Variants in PDE7B observed in about 807,000 individuals in gnomAD.
The protein encoded by PDE7B is 3',5'-cyclic-AMP phosphodiesterase 7B.
A neutral mutation model predicts 56.2 loss-of-function variants in PDE7B; 29 were observed. That is an observed-to-expected ratio of 0.52 (90% CI 0.38 to 0.70). The LOEUF is 0.70. Among genes scored for constraint, PDE7B ranks in the 30% least tolerant of loss-of-function variants. The pLI is 0.00. For synonymous variants in PDE7B, 197 were observed against 196.9 expected (o/e 1.00, Z 0.00); for missense variants, 490 against 565.0 (o/e 0.87, Z 1.35).
chr6:136,153,342 T>C (rs1472456257), intron 6 of PDE7B, among the ~76,000 whole-genome samples: 1 of 152,200 alleles, frequency 6.6e-6, no homozygotes, highest in Non-Finnish European at 1.5e-5. Flanking sequence ...ATCAGGACAG[T>C]CTATACACAC....
intron 1 of PDE7B, among the ~76,000 whole-genome samples, chr6:135,908,143 C>T (rs1166374047): frequency 6.6e-6 from 1 of 150,934 alleles, no homozygotes; most frequent in Non-Finnish European, 1.5e-5. Context: ...GGCTGAACTG[C>T]AGTGGTGTGA....
chr6:135,880,094 C>A (rs575132190), intron 1 of PDE7B, among the ~76,000 whole-genome samples: 1 of 152,144 alleles, frequency 6.6e-6, no homozygotes, highest in Non-Finnish European at 1.5e-5. Flanking sequence ...TGTTTTCATA[C>A]GCATCGTAAA....
rs201169004 is a variant in PDE7B, at chr6:136,171,700, ATATG to A, written c.712-2093_712-2090del. On this transcript the variant is annotated intron_variant, in intron 8 of 12. Transcript: ENST00000308191. The stretch of plus-strand genomic sequence containing the variant: ...TGTGCACAATGTGCAGGTTAGTTAC[ATATG>A]TATACATGTGCCATGCTGGTGTGCT... Among the ~76,000 whole-genome samples the A allele has an allele frequency of 7.5e-3, 1,141 of 151,724 alleles. 18 individuals are homozygous for A. Among genetic ancestry groups the A allele is most frequent in the East Asian group, 0.025 (126 of 5,116 alleles).
chr6:136,093,310 T>C (rs1253092433), intron 2 of PDE7B, among the ~76,000 whole-genome samples: 1 of 152,216 alleles, frequency 6.6e-6, no homozygotes, highest in Non-Finnish European at 1.5e-5. Context: ...AGGGACTATT[T>C]CGCCCATGGG....
chr6:136,003,375 G>C (rs947886640), intron 2 of PDE7B, among the ~76,000 whole-genome samples: 2 of 151,976 alleles, frequency 1.3e-5, no homozygotes, highest in Non-Finnish European at 2.9e-5. Flanking sequence ...AGGAAATAGA[G>C]ACACAAAAAA....
At chr6:135,889,454 T>C (rs1007718597) in intron 1 of PDE7B, among the ~76,000 whole-genome samples, 2 of 146,730 alleles carry the variant, frequency 1.4e-5, no homozygotes, top group Non-Finnish European at 3.0e-5. Context: ...TTTTTTTTTT[T>C]TTTTTTTTGA....
At chr6:135,931,951 GCGCACACA>G (rs375404030) in intron 1 of PDE7B, among the ~76,000 whole-genome samples, 5,505 of 142,362 alleles carry the variant, frequency 0.039, 341 homozygotes, top group African/African-American at 0.14. Flanking sequence ...ACACACGCGC[GCGCACACA>G]CACACACACA....
At chr6:135,958,297 A>C (rs1774836097) in intron 2 of PDE7B, among the ~76,000 whole-genome samples, 1 of 152,160 alleles carries the variant, frequency 6.6e-6, no homozygotes, top group Non-Finnish European at 1.5e-5. Context: ...CCGCTTCTAT[A>C]AATTGGATTC....
intron 2 of PDE7B, among the ~76,000 whole-genome samples, chr6:136,008,757 GCA>G (rs1775834398): frequency 6.6e-6 from 1 of 152,102 alleles, no homozygotes; most frequent in African/African-American, 2.4e-5. Context: ...TGAGTAGATT[GCA>G]AAAATTTTCT....
intron 3 of PDE7B, among the ~76,000 whole-genome samples, chr6:136,139,766 T>G (rs1041785511): frequency 4.6e-5 from 7 of 152,366 alleles, no homozygotes; most frequent in African/African-American, 1.4e-4. Context: ...CATAAATGTC[T>G]TCTTTTGAGA....
chr6:136,025,298 A>G (rs1776132623), intron 2 of PDE7B, among the ~76,000 whole-genome samples: 1 of 152,236 alleles, frequency 6.6e-6, no homozygotes, highest in Non-Finnish European at 1.5e-5. Flanking sequence ...TACAGAATAT[A>G]CCAAATTTCC....
At chr6:135,900,330 G>C (rs1281320102) in intron 1 of PDE7B, among the ~76,000 whole-genome samples, 7 of 152,006 alleles carry the variant, frequency 4.6e-5, no homozygotes, top group African/African-American at 1.7e-4. Context: ...TAAACTTTAA[G>C]TGGGTTTTTT....
intron 2 of PDE7B, among the ~76,000 whole-genome samples, chr6:136,032,971 G>A (rs1309950249): frequency 6.6e-6 from 1 of 152,228 alleles, no homozygotes; most frequent in Non-Finnish European, 1.5e-5. Context: ...TAGTCTTAGA[G>A]AGTGACTTTA....
At chr6:136,045,474 C>G (rs888366429) in intron 2 of PDE7B, among the ~76,000 whole-genome samples, 1 of 152,174 alleles carries the variant, frequency 6.6e-6, no homozygotes, top group Non-Finnish European at 1.5e-5. Flanking sequence ...AGCTTATAAA[C>G]CAAGTCGCTG....
At chr6:135,959,952 T>G (rs1454466369) in intron 2 of PDE7B, among the ~76,000 whole-genome samples, 1 of 152,128 alleles carries the variant, frequency 6.6e-6, no homozygotes, top group African/African-American at 2.4e-5. Flanking sequence ...TTTTAAATTT[T>G]TTGTACAGAT....
rs980025168 is a variant in PDE7B, at chr6:135,935,401, T to C, written c.22-12063T>C. On this transcript the variant is annotated intron_variant, in intron 1 of 12. Transcript: ENST00000308191. ...AGTAATGGCATCAAAACTTGTAATC[T>C]GAACTAATTTAAGTATAACTTTATT... Among the ~76,000 whole-genome samples the C allele has an allele frequency of 2.0e-5, 3 of 151,150 alleles. No homozygotes were observed. The East Asian group carries it at 5.9e-4, about 30-fold the overall frequency.
chr6:135,961,982 C>A (rs1310284481), intron 2 of PDE7B, among the ~76,000 whole-genome samples: 1 of 152,016 alleles, frequency 6.6e-6, no homozygotes. Context: ...GTGATGTAAA[C>A]TGTGGATTTG....
At chr6:136,184,494 T>C (rs186898250) in intron 11 of PDE7B, among the ~76,000 whole-genome samples, 51 of 152,318 alleles carry the variant, frequency 3.3e-4, no homozygotes, top group Admixed American at 3.2e-3. Context: ...GTCTTGATCA[T>C]ATTTCAAGGG....
chr6:135,956,116 C>T (rs1187689557), intron 2 of PDE7B, among the ~76,000 whole-genome samples: 3 of 151,790 alleles, frequency 2.0e-5, no homozygotes, highest in Non-Finnish European at 2.9e-5. Context: ...CAAAAGGAGC[C>T]TATGGAAGCC....
Sources: allele counts gnomAD v4.1 joint callset (sites outside exome capture counted in the v4.1 genomes callset), GRCh38; gene constraint gnomAD v4.1.1; transcripts MANE v1.5; gene names NCBI Gene and HGNC (gene_info 2026-07-23, HGNC 2026-07-21).